The following ERC2 variants were observed in gnomAD, a reference collection of about 807,000 sequenced individuals.
The protein encoded by ERC2 is ERC protein 2.
ERC2 carries 42 observed loss-of-function variants against 114.8 expected under a neutral mutation model. That is an observed-to-expected ratio of 0.37 (90% CI 0.29 to 0.47). The LOEUF is 0.47. Ranked by LOEUF, ERC2 falls within the 20% of genes least tolerant of loss-of-function variation. ERC2 has a pLI of 0.99. For missense variants in ERC2, 939 were observed against 1,150.7 expected (o/e 0.82, Z 2.66); for synonymous variants, 454 against 425.5 (o/e 1.07, Z -0.82).
chr3:55,842,602 G>A (rs1302976831), intron 14 of ERC2, among the ~76,000 whole-genome samples: 1 of 151,946 alleles, frequency 6.6e-6, no homozygotes, highest in African/African-American at 2.4e-5. Flanking sequence ...TAGGTTGCTA[G>A]GAATTGGGGT....
At chr3:55,795,837 C>G (rs932287559) in intron 14 of ERC2, among the ~76,000 whole-genome samples, 1 of 152,178 alleles carries the variant, frequency 6.6e-6, no homozygotes, top group Non-Finnish European at 1.5e-5. Context: ...CAGTACCTGC[C>G]TTATAGGGTT....
intron 3 of ERC2, among the ~76,000 whole-genome samples, chr3:56,236,644 T>A (rs1014418365): frequency 6.6e-6 from 1 of 152,182 alleles, no homozygotes; most frequent in Non-Finnish European, 1.5e-5. Flanking sequence ...CTATTTATTA[T>A]ATTGAGGTAT....
intron 14 of ERC2, among the ~76,000 whole-genome samples, chr3:55,749,299 T>C (rs2066511983): frequency 6.6e-6 from 1 of 152,192 alleles, no homozygotes; most frequent in Non-Finnish European, 1.5e-5. Context: ...TCTATCTCCC[T>C]GGACAACCTT....
intron 2 of ERC2, among the ~76,000 whole-genome samples, chr3:56,416,659 T>TA (rs35915351): frequency 0.4 from 41,627 of 103,962 alleles, 8,173 homozygotes; most frequent in Middle Eastern, 0.51. Context: ...AAAACATGAT[T>TA]AAAAAAAAAA....
intron 2 of ERC2, among the ~76,000 whole-genome samples, chr3:56,426,649 C>A (rs1336527199): frequency 2.0e-5 from 3 of 152,140 alleles, no homozygotes; most frequent in Non-Finnish European, 4.4e-5. Flanking sequence ...CTGTGATCCA[C>A]CATGAGAAGA....
At chr3:55,725,811 A>C (rs1182463937) in intron 15 of ERC2, among the ~76,000 whole-genome samples, 1 of 152,204 alleles carries the variant, frequency 6.6e-6, no homozygotes, top group African/African-American at 2.4e-5. Context: ...ATCAGAGAAA[A>C]TACTTTGCCT....
chr3:55,901,295 G>A (rs2064123037), intron 13 of ERC2, among the ~76,000 whole-genome samples: 1 of 152,162 alleles, frequency 6.6e-6, no homozygotes, highest in Non-Finnish European at 1.5e-5. Context: ...GCTGCTTATA[G>A]TTCTACAGGT....
At chr3:55,641,287 C>T (rs1246170364) in intron 17 of ERC2, among the ~76,000 whole-genome samples, 3 of 152,150 alleles carry the variant, frequency 2.0e-5, no homozygotes, top group South Asian at 2.1e-4. Context: ...TGGTGGCTCA[C>T]GTCTGTAATG....
intron 4 of ERC2, among the ~76,000 whole-genome samples, chr3:56,160,376 G>T (rs1197438971): frequency 1.3e-5 from 2 of 152,122 alleles, no homozygotes; most frequent in Non-Finnish European, 2.9e-5. Context: ...CTGGATATTA[G>T]ATCTTTGCTG....
Position 55,714,661 on chromosome 3 carries a change from G to GTGTATATATATATATATGTATATATATA in ERC2, c.2713-15150_2713-15149insTATATATATACATATATATATATATACA, listed in dbSNP as rs2063980174. 2.2e-3 allele frequency among the ~76,000 whole-genome samples: 159 copies of GTGTATATATATATATATGTATATATATA among 71,752 alleles called. 1 individual carries two copies. The highest frequency in any genetic ancestry group is 8.9e-3 in the African/African-American group (153 of 17,132). The allele number at this position is 71,752 out of a possible 152,430, so 47.1% of individuals were successfully genotyped here. A position where few individuals can be genotyped will look rare whatever the true frequency, so the allele number is the denominator to read the frequency against. On this transcript the variant is annotated intron_variant, in intron 15 of 17. Transcript: ENST00000288221. ...TATATGTGTGTGTGTGTGTGTGTGT[G>GTGTATATATATATATATGTATATATATA]TGTGTGTATATATATATATATATAT...
intron 14 of ERC2, among the ~76,000 whole-genome samples, chr3:55,735,187 T>C (rs1280354296): frequency 1.3e-5 from 2 of 152,208 alleles, no homozygotes; most frequent in African/African-American, 4.8e-5. Context: ...GAGCATTCAT[T>C]GCTGACACAT....
chr3:55,572,738 G>A (rs1190890478), intron 17 of ERC2, among the ~76,000 whole-genome samples: 7 of 152,150 alleles, frequency 4.6e-5, no homozygotes, highest in African/African-American at 1.7e-4. Context: ...TTACCCTGGA[G>A]GGCCTCCCTC....
At chr3:55,532,986 T>G (rs1016960139) in intron 17 of ERC2, among the ~76,000 whole-genome samples, 3 of 152,218 alleles carry the variant, frequency 2.0e-5, no homozygotes, top group African/African-American at 7.2e-5. Flanking sequence ...TCTTCTCTGG[T>G]GAGGGCCCTT....
intron 3 of ERC2, among the ~76,000 whole-genome samples, chr3:56,183,830 C>A (rs2083431557): frequency 6.6e-6 from 1 of 151,874 alleles, no homozygotes; most frequent in African/African-American, 2.4e-5. Context: ...AGATGAGATC[C>A]AAGAGGTAAG....
chr3:55,820,735 T>C (rs769019699), intron 14 of ERC2, among the ~76,000 whole-genome samples: 25 of 152,022 alleles, frequency 1.6e-4, no homozygotes, highest in Non-Finnish European at 3.4e-4. Context: ...GGTGAGAAAA[T>C]GTTCAAACAA....
chr3:56,018,014 T>C (rs2073426923), intron 8 of ERC2, among the ~76,000 whole-genome samples: 2 of 152,104 alleles, frequency 1.3e-5, no homozygotes, highest in South Asian at 4.1e-4. Flanking sequence ...TAAAAACAGA[T>C]AAATGAACAA....
At chr3:55,801,638 A>T (rs2071059815) in intron 14 of ERC2, among the ~76,000 whole-genome samples, 1 of 152,258 alleles carries the variant, frequency 6.6e-6, no homozygotes, top group African/African-American at 2.4e-5. Flanking sequence ...GGGAATCCTA[A>T]TATTTCTGGA....
At chr3:55,869,056 A>C (rs777553118) in intron 14 of ERC2, among the ~76,000 whole-genome samples, 1 of 152,102 alleles carries the variant, frequency 6.6e-6, no homozygotes. Context: ...TACCTTCATG[A>C]GGGAAAGGTA....
intron 17 of ERC2, among the ~76,000 whole-genome samples, chr3:55,546,773 C>G (rs2107380722): frequency 6.6e-6 from 1 of 152,334 alleles, no homozygotes; most frequent in Middle Eastern, 3.4e-3. Context: ...AAGCGCAGGC[C>G]TCTCCGGTAC....
Sources: gnomAD v4.1 joint callset for allele counts (sites outside exome capture counted in the v4.1 genomes callset) on GRCh38, gnomAD v4.1.1 for gene constraint, MANE v1.5 for transcripts, NCBI Gene and HGNC (gene_info 2026-07-23, HGNC 2026-07-21) for gene names.